Variants in IRGM observed in about 807,000 individuals in gnomAD.
IRGM encodes the protein immunity-related GTPase family M protein.
For missense variants in IRGM, 288 were observed against 219.9 expected (o/e 1.31, Z -1.96); for synonymous variants, 98 against 80.6 (o/e 1.22, Z -1.16).
intron 1 of IRGM, among the ~76,000 whole-genome samples, chr5:150,859,367 A>G (rs1754103454): frequency 6.6e-6 from 1 of 152,182 alleles, no homozygotes; most frequent in Non-Finnish European, 1.5e-5. Flanking sequence ...ATGTTCATCA[A>G]GGATATTGGT....
rs1753911748 is a variant in IRGM at position 150,848,292 on chromosome 5, G to C, written c.169G>C (p.Gly57Arg). Residue 57 changes from glycine to arginine, a missense_variant, in exon 2 of 2, where the codon GGA (glycine) becomes CGA (arginine). By Grantham distance (125) the Gly-to-Arg change is moderately radical (BLOSUM62 -2). Coordinates refer to ENST00000522154, the MANE Select transcript of IRGM (RefSeq NM_001145805.2). ...STFISALRNT[G>R]HEGKASPPTE... ...CTTCATCAGTGCCCTTCGAAACACA[G>C]GACATGAGGGTAAGGCCTCACCTCC... The C allele has an allele frequency of 1.3e-6, 2 of 1,551,688 alleles. No individual in the cohort carries two copies. Among genetic ancestry groups the C allele is most frequent in the Non-Finnish European group, 1.7e-6 (2 of 1,147,002 alleles).
chr5:150,847,621 G>C (rs1156827051), intron 1 of IRGM, 88 bp from the exon 2 acceptor site: 1 of 156,610 alleles, frequency 6.4e-6, no homozygotes, highest in Non-Finnish European at 1.4e-5. Flanking sequence ...GTCTGCTGCA[G>C]TCTTCGTTGA....
At chr5:150,877,894 C>T (rs907791704) in intron 1 of IRGM, 1 of 420,298 alleles carries the variant, frequency 2.4e-6, no homozygotes, top group Non-Finnish European at 4.7e-6. Flanking sequence ...GATTTCAGGT[C>T]ATTGAATTTC....
Position 150,857,132 on chromosome 5 carries a change from C to A in IRGM, c.158+8478C>A, listed in dbSNP as rs1019843881. On this transcript the variant is annotated intron_variant and NMD_transcript_variant, in intron 1 of 3. Coordinates refer to the IRGM transcript ENST00000520549. ...GTGTGTGATGTTCCCCTTCCTGTGT[C>A]CATGTGTTCTCATTGTTCATTTCCC... 8.6e-5 allele frequency among the ~76,000 whole-genome samples: 13 copies of A among 151,806 alleles called. No individual in the cohort carries two copies. The Middle Eastern group carries it at 0.01, about 119-fold the overall frequency.
At chr5:150,884,911 G>A (rs1581652152) in intron 3 of IRGM, among the ~76,000 whole-genome samples, 1 of 151,922 alleles carries the variant, frequency 6.6e-6, no homozygotes, top group South Asian at 2.1e-4. Flanking sequence ...CAGAAACTCT[G>A]TAGTTTAATT....
At chr5:150,896,937 A>T in intron 3 of IRGM, 2 of 1,612,946 alleles carry the variant, frequency 1.2e-6, no homozygotes, top group Non-Finnish European at 1.7e-6. Flanking sequence ...TGTCCCCAAA[A>T]TACATGACTG....
At chr5:150,847,265 G>T (rs1459972567) in intron 1 of IRGM, 45 bp downstream of exon 1, 4 of 152,418 alleles carry the variant, frequency 2.6e-5, no homozygotes, top group Admixed American at 2.0e-4. Flanking sequence ...TAAGCAATGG[G>T]AATTGGATGT....
downstream of IRGM, among the ~76,000 whole-genome samples, chr5:150,849,624 T>TG (rs1753944303): frequency 6.7e-6 from 1 of 149,728 alleles, no homozygotes; most frequent in Admixed American, 6.6e-5. Context: ...TTTTTTTTTT[T>TG]TGAGATGGGT....
intron 3 of IRGM, among the ~76,000 whole-genome samples, chr5:150,888,029 A>T (rs1754552183): frequency 6.6e-6 from 1 of 152,000 alleles, no homozygotes; most frequent in Non-Finnish European, 1.5e-5. Context: ...GCAAGACCCA[A>T]TGGTATGGTG....
chr5:150,889,992 C>T (rs1450830870), intron 3 of IRGM, among the ~76,000 whole-genome samples: 1 of 151,878 alleles, frequency 6.6e-6, no homozygotes, highest in Admixed American at 6.6e-5. Context: ...CTTATAATAT[C>T]TTCTGGTTTT....
At chr5:150,856,661 G>T (rs1209104030) in intron 1 of IRGM, among the ~76,000 whole-genome samples, 1 of 149,420 alleles carries the variant, frequency 6.7e-6, no homozygotes, top group Non-Finnish European at 1.5e-5. Context: ...TCAGAGACAG[G>T]GTATTGCTAT....
At chr5:150,891,991 C>T (rs1037441111) in intron 3 of IRGM, among the ~76,000 whole-genome samples, 2 of 152,096 alleles carry the variant, frequency 1.3e-5, no homozygotes, top group African/African-American at 4.8e-5. Flanking sequence ...AGGGTCAAAG[C>T]TCAGGGCATT....
intron 1 of IRGM, among the ~76,000 whole-genome samples, chr5:150,874,485 C>T (rs1233334036): frequency 6.6e-6 from 1 of 152,170 alleles, no homozygotes; most frequent in Non-Finnish European, 1.5e-5. Context: ...ATAAGTTCTG[C>T]ATTTGGCCCC....
At chr5:150,878,702 T>TTA (rs1234381318) in intron 2 of IRGM, among the ~76,000 whole-genome samples, 1 of 152,020 alleles carries the variant, frequency 6.6e-6, no homozygotes, top group Non-Finnish European at 1.5e-5. Flanking sequence ...TGTATATTTA[T>TTA]TACTGTTATA....
intron 3 of IRGM, among the ~76,000 whole-genome samples, chr5:150,899,197 C>T (rs755098536): frequency 6.6e-6 from 1 of 152,052 alleles, no homozygotes; most frequent in Non-Finnish European, 1.5e-5. Context: ...AACTATGAGA[C>T]TAAATTTCTA....
chr5:150,893,001 G>C (rs894114922), intron 3 of IRGM, among the ~76,000 whole-genome samples: 1 of 151,742 alleles, frequency 6.6e-6, no homozygotes, highest in Non-Finnish European at 1.5e-5. Context: ...AGATCACAGC[G>C]TTTTTTTATT....
intron 1 of IRGM, among the ~76,000 whole-genome samples, chr5:150,869,238 C>A (rs756884702): frequency 3.3e-5 from 5 of 151,928 alleles, no homozygotes; most frequent in Admixed American, 1.3e-4. Flanking sequence ...TTGAGATGAT[C>A]GTGTGAATTT....
chr5:150,878,271 A>G (rs1440505233), intron 2 of IRGM, among the ~76,000 whole-genome samples: 1 of 152,172 alleles, frequency 6.6e-6, no homozygotes, highest in Non-Finnish European at 1.5e-5. Context: ...CCTGATCTGT[A>G]AAATGGGAGT....
chr5:150,872,754 T>A (rs1754303703), intron 1 of IRGM, among the ~76,000 whole-genome samples: 1 of 152,172 alleles, frequency 6.6e-6, no homozygotes, highest in South Asian at 2.1e-4. Context: ...GATCGCCCAC[T>A]GTGGGTGAGC....
Sources: gnomAD v4.1 joint callset for allele counts (sites outside exome capture counted in the v4.1 genomes callset) on GRCh38, gnomAD v4.1.1 for gene constraint, MANE v1.5 for transcripts, NCBI Gene and HGNC (gene_info 2026-07-23, HGNC 2026-07-21) for gene names.